Variants in PI4KA observed in about 807,000 individuals in gnomAD.
The protein encoded by PI4KA is PI4-kinase alpha.
In PI4KA, 122 loss-of-function variants were observed where a neutral mutation model predicts 271.4. The observed-to-expected ratio is 0.45, with a 90% CI of 0.39 to 0.52. PI4KA has a LOEUF of 0.52. Among genes scored for constraint, PI4KA ranks in the 20% least tolerant of loss-of-function variants. PI4KA has a pLI of 0.00. For synonymous variants in PI4KA, 1,041 were observed against 1,078.8 expected, an observed-to-expected ratio of 0.96 and a Z score of 0.69; for missense variants, 1,969 against 2,769.1, an observed-to-expected ratio of 0.71 and a Z score of 6.48.
In PI4KA at chr22:20,785,863, A is replaced by C. The variant is rs1268947821; in HGVS notation, c.2328+7330T>G. The C allele has an allele frequency of 4.1e-6, 5 of 1,208,938 alleles. No individual in the cohort carries two copies. The Admixed American group carries it at 8.7e-5, about 21-fold the overall frequency. The allele number at this position is 1,208,938 out of a possible 1,614,324, so 74.9% of individuals were successfully genotyped here. A position where few individuals can be genotyped will look rare whatever the true frequency, so the allele number is the denominator to read the frequency against. On this transcript the variant is annotated intron_variant, in intron 19 of 54. Transcript: ENST00000255882. ...GTGTGCTTCCTAAAATCCTCAACTG[A>C]CAGTCCCGGAATATAAATTTTAATA...
intron 53 of PI4KA, among the ~76,000 whole-genome samples, chr22:20,709,687 A>AT (rs1555876886): frequency 1.0e-5 from 1 of 100,412 alleles, no homozygotes. Context: ...CCTTGACATA[A>AT]AGAGGCCCCT....
At chr22:20,720,640 C>T (rs562190250) in intron 43 of PI4KA, among the ~76,000 whole-genome samples, 1 of 152,320 alleles carries the variant, frequency 6.6e-6, no homozygotes, top group African/African-American at 2.4e-5. Context: ...CATACAACTT[C>T]CTTTTTCAAC....
intron 4 of PI4KA, among the ~76,000 whole-genome samples, chr22:20,821,521 A>G (rs1922661987): frequency 6.6e-6 from 1 of 151,980 alleles, no homozygotes; most frequent in South Asian, 2.1e-4. Context: ...CGCCCAGTCC[A>G]TAATTATTTA....
chr22:20,847,754 CAA>C (rs361953), intron 1 of PI4KA, among the ~76,000 whole-genome samples: 2 of 138,492 alleles, frequency 1.4e-5, no homozygotes, highest in African/African-American at 2.6e-5. Context: ...GACCCTGTTT[CAA>C]AAAAAAAAAC....
Position 20,742,726 on chromosome 22 carries a change from C to G in PI4KA, c.3495G>C (p.Gln1165His), listed in dbSNP as rs754902607. The G allele has an allele frequency of 1.7e-5, 28 of 1,614,060 alleles. No individual in the cohort carries two copies. Among genetic ancestry groups the G allele is most frequent in the Non-Finnish European group, 2.4e-5 (28 of 1,180,014 alleles). ...GMIRFSGTTGQMSDLNKMMVQ... is the reference protein window; with the variant it reads ...GMIRFSGTTGHMSDLNKMMVQ... ...CCATCATTTTGTTCAGGTCAGACAT[C>G]TGGCCTGTGGTGCCTGAGAACCGAA... Residue 1165 changes from glutamine (Q) to histidine (H), a missense_variant, in exon 31 of 55, where the codon CAG (glutamine) becomes CAC (histidine). By Grantham distance (24) the Gln-to-His change is conservative. Coordinates refer to ENST00000255882, the MANE Select transcript of PI4KA (RefSeq NM_058004.4).
intron 23 of PI4KA, among the ~76,000 whole-genome samples, chr22:20,754,330 C>T (rs1436026145): frequency 6.6e-6 from 1 of 152,040 alleles, no homozygotes; most frequent in Non-Finnish European, 1.5e-5. Context: ...TCAAGCAATC[C>T]TTCTGCCTCG....
chr22:20,848,512 T>C (rs754651930), intron 1 of PI4KA, among the ~76,000 whole-genome samples: 10 of 152,138 alleles, frequency 6.6e-5, no homozygotes, highest in South Asian at 2.1e-4. Context: ...AGGAAAGACA[T>C]ACAGACCAAA....
rs533968664 is a variant in PI4KA at position 20,794,685 on chromosome 22, C to T, written c.2278-1442G>A. Among the ~76,000 whole-genome samples, 3 of 152,208 alleles carry T rather than the reference C, an allele frequency of 2.0e-5. No homozygotes were observed. In the East Asian group the frequency reaches 5.8e-4, roughly 29 times the overall value. On this transcript the variant is annotated intron_variant, in intron 18 of 54. Coordinates refer to ENST00000255882, the MANE Select transcript of PI4KA (RefSeq NM_058004.4). ...TCTCAACCAGCCCAATCTAAAGTGC[C>T]CCTCACCACCCTGCCCTGTTTCACT...
At chr22:20,848,451 C>A (rs1450364902) in intron 1 of PI4KA, among the ~76,000 whole-genome samples, 1 of 152,050 alleles carries the variant, frequency 6.6e-6, no homozygotes, top group Non-Finnish European at 1.5e-5. Flanking sequence ...TTCCCAATTT[C>A]AAAACTTACT....
chr22:20,818,390 G>C (rs1922123963), intron 7 of PI4KA, 93 bp downstream of exon 7: 2 of 866,750 alleles, frequency 2.3e-6, no homozygotes, highest in East Asian at 6.0e-5. Context: ...TGACAACAGA[G>C]TTAGTATCAG....
rs1451587016 is a variant in PI4KA at position 20,717,750 on chromosome 22, T to G, written c.5275A>C (p.Lys1759Gln). Residue 1759 changes from lysine (K) to glutamine (Q), a missense_variant, in exon 45 of 55, where the codon AAG (lysine) becomes CAG (glutamine). Coordinates refer to ENST00000255882, the MANE Select transcript of PI4KA (RefSeq NM_058004.4). ...KPYPKGDERK[K>Q]ACLSALSEVK... ...TCAGACAGGGCCGACAGACAAGCCTTCTTTCTCTCGTCGCCTTTAGGGTAG... is the reference window on the plus strand; with the variant it reads ...TCAGACAGGGCCGACAGACAAGCCTGCTTTCTCTCGTCGCCTTTAGGGTAG... 7.0e-6 allele frequency: 11 copies of G among 1,578,296 alleles called. No individual in the cohort carries two copies.
chr22:20,778,167 G>T (rs1397508166), intron 19 of PI4KA, among the ~76,000 whole-genome samples: 1 of 152,070 alleles, frequency 6.6e-6, no homozygotes, highest in African/African-American at 2.4e-5. Context: ...ACGCCCTGAG[G>T]GGGTCTCAGC....
intron 1 of PI4KA, among the ~76,000 whole-genome samples, chr22:20,844,269 G>C (rs1925965568): frequency 6.6e-6 from 1 of 152,110 alleles, no homozygotes; most frequent in Non-Finnish European, 1.5e-5. Context: ...GGACTAAAGC[G>C]GCCAAGGTCA....
At chr22:20,832,361 T>G (rs534632588) in intron 3 of PI4KA, among the ~76,000 whole-genome samples, 2 of 151,982 alleles carry the variant, frequency 1.3e-5, no homozygotes, top group Non-Finnish European at 2.9e-5. Context: ...GTGATCCACC[T>G]GCCTTGGCCT....
chr22:20,756,925 G>A (rs1227871345), intron 23 of PI4KA, among the ~76,000 whole-genome samples: 2 of 152,122 alleles, frequency 1.3e-5, no homozygotes, highest in East Asian at 1.9e-4. Context: ...TACCACACCC[G>A]GCCCTAAGGT....
In PI4KA at chr22:20,784,053, C is replaced by T. The variant is rs766747560; in HGVS notation, c.2328+9140G>A. The T allele has an allele frequency of 2.7e-5, 43 of 1,614,030 alleles. No homozygotes were observed. Among genetic ancestry groups the T allele is most frequent in the Non-Finnish European group, 3.6e-5 (42 of 1,180,044 alleles). On this transcript the variant is annotated intron_variant, in intron 19 of 54. Coordinates refer to ENST00000255882, the MANE Select transcript of PI4KA (RefSeq NM_058004.4). ...AATGAGAGAGAGGTAGTTAAGGTTT[C>T]CATGATGCAGACCAAGGGGAACTTC...
chr22:20,786,438 G>A lies in PI4KA; in HGVS notation c.2328+6755C>T, dbSNP rs376041502. The stretch of plus-strand genomic sequence containing the variant: ...AGGGGAGACATGTGCTGCGGTCTGG[G>A]AAATAGCTACCCCCAGCCAAATCAT... On this transcript the variant is annotated intron_variant, in intron 19 of 54. Coordinates refer to ENST00000255882, the MANE Select transcript of PI4KA (RefSeq NM_058004.4). Among the ~76,000 whole-genome samples, 28 of 152,292 alleles carry A rather than the reference G, an allele frequency of 1.8e-4. No homozygotes were observed. The East Asian group carries it at 5.2e-3, about 28-fold the overall frequency.
intron 19 of PI4KA, among the ~76,000 whole-genome samples, chr22:20,776,985 A>G (rs1160355365): frequency 6.6e-6 from 1 of 152,146 alleles, no homozygotes; most frequent in African/African-American, 2.4e-5. Context: ...TCAAATATCT[A>G]TCTAATAGGA....
intron 3 of PI4KA, 132 bp downstream of exon 3, chr22:20,834,430 C>CA (rs1924601428): frequency 2.9e-6 from 2 of 693,160 alleles, no homozygotes; most frequent in African/African-American, 1.8e-5. Context: ...CACAATGCTG[C>CA]AGGCAGTTGT....
Sources: gnomAD v4.1 joint callset for allele counts (sites outside exome capture counted in the v4.1 genomes callset) on GRCh38, gnomAD v4.1.1 for gene constraint, MANE v1.5 for transcripts, NCBI Gene and HGNC (gene_info 2026-07-23, HGNC 2026-07-21) for gene names.